Variants in RPS6KC1 observed in about 807,000 individuals in gnomAD.
RPS6KC1 encodes the protein ribosomal protein S6 kinase C1.
Under a neutral mutation model 103.8 loss-of-function variants are expected in RPS6KC1, and 54 were observed. The ratio of observed to expected loss-of-function variants is 0.52; its 90% CI spans 0.42 to 0.65. RPS6KC1 has a LOEUF of 0.65. Ranked by LOEUF, RPS6KC1 falls within the 30% of genes least tolerant of loss-of-function variation. RPS6KC1 has a pLI of 0.00. For synonymous variants in RPS6KC1, 439 were observed against 438.7 expected (o/e 1.00, Z -0.01); for missense variants, 1,151 against 1,253.8 (o/e 0.92, Z 1.24).
the RPS6KC1 span, among the ~76,000 whole-genome samples, chr1:213,797,238 C>G: frequency 6.6e-6 from 1 of 152,202 alleles, no homozygotes; most frequent in Admixed American, 6.5e-5. Context: ...AAACTACTCT[C>G]TTATAATTTG....
intron 2 of RPS6KC1, among the ~76,000 whole-genome samples, chr1:213,077,080 G>A (rs1483261658): frequency 6.6e-6 from 1 of 152,172 alleles, no homozygotes; most frequent in African/African-American, 2.4e-5. Flanking sequence ...ATGTTGGCCA[G>A]GCTGGTCTTG....
At chr1:213,221,426 C>T (rs1337689626) in intron 8 of RPS6KC1, among the ~76,000 whole-genome samples, 1 of 152,122 alleles carries the variant, frequency 6.6e-6, no homozygotes, top group East Asian at 1.9e-4. Context: ...AGTCTCTTAT[C>T]TTGGGGCTTT....
chr1:213,513,510 T>C, the RPS6KC1 span, among the ~76,000 whole-genome samples: 20 of 152,216 alleles, frequency 1.3e-4, no homozygotes, highest in Middle Eastern at 3.4e-3. Context: ...TGGCAAAAAA[T>C]AGGCACAAAA....
chr1:213,438,678 C>A, the RPS6KC1 span, among the ~76,000 whole-genome samples: 1 of 152,120 alleles, frequency 6.6e-6, no homozygotes, highest in Non-Finnish European at 1.5e-5. Flanking sequence ...TACTTGAATT[C>A]TCAGCCTCTC....
At chr1:213,122,996 G>A (rs1401624503) in intron 5 of RPS6KC1, among the ~76,000 whole-genome samples, 4 of 152,106 alleles carry the variant, frequency 2.6e-5, no homozygotes, top group Non-Finnish European at 5.9e-5. Context: ...TTTAGGGGTT[G>A]GGTGGGACAA....
chr1:213,608,369 G>T, the RPS6KC1 span, among the ~76,000 whole-genome samples: 1 of 152,178 alleles, frequency 6.6e-6, no homozygotes, highest in African/African-American at 2.4e-5. Context: ...CCACTCTCCT[G>T]GTGGCCCCCT....
At chr1:213,757,872 G>C in the RPS6KC1 span, among the ~76,000 whole-genome samples, 2 of 152,240 alleles carry the variant, frequency 1.3e-5, no homozygotes, top group Middle Eastern at 6.8e-3. Flanking sequence ...GAAAATCATA[G>C]GGCCCTTAAG....
At chr1:213,298,894 G>T in the RPS6KC1 span, among the ~76,000 whole-genome samples, 1 of 152,000 alleles carries the variant, frequency 6.6e-6, no homozygotes, top group East Asian at 1.9e-4. Flanking sequence ...CCCCTTCATG[G>T]CTTACAATAT....
At chr1:213,292,362 T>C in the RPS6KC1 span, among the ~76,000 whole-genome samples, 2 of 152,338 alleles carry the variant, frequency 1.3e-5, no homozygotes, top group African/African-American at 4.8e-5. Flanking sequence ...AGCAAGGGAA[T>C]ATCTGAACCC....
chr1:213,379,715 G>A, the RPS6KC1 span, among the ~76,000 whole-genome samples: 1 of 152,162 alleles, frequency 6.6e-6, no homozygotes, highest in Non-Finnish European at 1.5e-5. Context: ...AGGGTATCCT[G>A]CAGGCAACTG....
At chr1:213,159,661 G>A (rs1437750435) in intron 6 of RPS6KC1, among the ~76,000 whole-genome samples, 1 of 152,208 alleles carries the variant, frequency 6.6e-6, no homozygotes, top group Non-Finnish European at 1.5e-5. Flanking sequence ...AATAAACTAA[G>A]TGGGTGGTTT....
chr1:213,341,465 A>C, the RPS6KC1 span, among the ~76,000 whole-genome samples: 1 of 152,214 alleles, frequency 6.6e-6, no homozygotes, highest in African/African-American at 2.4e-5. Flanking sequence ...CTTACCATGT[A>C]GGAATTTGTT....
intron 3 of RPS6KC1, among the ~76,000 whole-genome samples, chr1:213,099,574 A>G (rs1264016673): frequency 6.6e-6 from 1 of 152,194 alleles, no homozygotes; most frequent in African/African-American, 2.4e-5. Flanking sequence ...TATGTGTGAC[A>G]AACATATACC....
At chr1:213,652,161 C>T in the RPS6KC1 span, among the ~76,000 whole-genome samples, 15 of 152,038 alleles carry the variant, frequency 9.9e-5, no homozygotes, top group East Asian at 1.3e-3. Context: ...AATGTCTTTT[C>T]GATAGACTGG....
the RPS6KC1 span, among the ~76,000 whole-genome samples, chr1:213,650,812 A>G: frequency 6.6e-6 from 1 of 152,068 alleles, no homozygotes; most frequent in Non-Finnish European, 1.5e-5. Context: ...CAGACAGAAG[A>G]TGAGTATTTA....
chr1:213,223,869 A>C (rs1225003188), intron 8 of RPS6KC1, among the ~76,000 whole-genome samples: 2 of 152,220 alleles, frequency 1.3e-5, no homozygotes, highest in African/African-American at 4.8e-5. Flanking sequence ...AGTCCCATGA[A>C]GTAACTGGCA....
At chr1:213,619,152 G>A in the RPS6KC1 span, among the ~76,000 whole-genome samples, 1 of 152,110 alleles carries the variant, frequency 6.6e-6, no homozygotes, top group Non-Finnish European at 1.5e-5. Flanking sequence ...AAAGACCCAG[G>A]TTCTTTTTAT....
chr1:213,354,992 C>T, the RPS6KC1 span, among the ~76,000 whole-genome samples: 29 of 152,176 alleles, frequency 1.9e-4, no homozygotes, highest in South Asian at 1.9e-3. Context: ...CCGAGGTGGG[C>T]GGATCACCTA....
chr1:213,092,581 G>A (rs1245892107), intron 3 of RPS6KC1, among the ~76,000 whole-genome samples: 2 of 151,800 alleles, frequency 1.3e-5, no homozygotes, highest in African/African-American at 4.8e-5. Context: ...CTGAGGCAGG[G>A]GAATTGCTTG....
Sources: allele counts gnomAD v4.1 joint callset (sites outside exome capture counted in the v4.1 genomes callset), GRCh38; gene constraint gnomAD v4.1.1; transcripts MANE v1.5; gene names NCBI Gene and HGNC (gene_info 2026-07-23, HGNC 2026-07-21).